Variants in PTBP3 observed in about 807,000 individuals in gnomAD.
PTBP3 encodes polypyrimidine tract binding protein 3.
Under a neutral mutation model 58.7 loss-of-function variants are expected in PTBP3, and 20 were observed. That is an observed-to-expected ratio of 0.34 (90% CI 0.24 to 0.50). PTBP3 has a LOEUF of 0.50. Ranked by LOEUF, PTBP3 falls within the 20% of genes least tolerant of loss-of-function variation. The probability of loss-of-function intolerance (pLI) is 0.98; values close to 1 mark genes in which losing one functional copy is unlikely to be tolerated. For missense variants in PTBP3, 509 were observed against 637.2 expected, an observed-to-expected ratio of 0.80 and a Z score of 2.17; for synonymous variants, 185 against 219.8, an observed-to-expected ratio of 0.84 and a Z score of 1.40.
chr9:112,231,712 G>A (rs1049628009), intron 9 of PTBP3, among the ~76,000 whole-genome samples: 13 of 150,588 alleles, frequency 8.6e-5, no homozygotes, highest in African/African-American at 3.2e-4. Flanking sequence ...GACCAGCCTG[G>A]GCAACATAGC....
At chr9:112,251,627 T>C (rs1014501172) in intron 6 of PTBP3, among the ~76,000 whole-genome samples, 2 of 152,146 alleles carry the variant, frequency 1.3e-5, no homozygotes, top group African/African-American at 2.4e-5. Context: ...TTTGTAATAC[T>C]TTGAATAATA....
intron 2 of PTBP3, among the ~76,000 whole-genome samples, chr9:112,286,604 G>A (rs1383744102): frequency 3.3e-5 from 5 of 151,886 alleles, no homozygotes. Flanking sequence ...TTGTGGTACT[G>A]TTGTATATTT....
chr9:112,359,401 G>A, the PTBP3 span, among the ~76,000 whole-genome samples: 6 of 152,050 alleles, frequency 3.9e-5, no homozygotes, highest in South Asian at 2.1e-4. Context: ...AGCTGAGATC[G>A]CGCCACTGCA....
At chr9:112,318,925 C>G (rs1206084466) in intron 1 of PTBP3, among the ~76,000 whole-genome samples, 1 of 151,934 alleles carries the variant, frequency 6.6e-6, no homozygotes, top group Non-Finnish European at 1.5e-5. Context: ...GTCGGGAGTT[C>G]AAGACCAGCC....
At chr9:112,300,121 A>C (rs1828854570) in intron 1 of PTBP3, among the ~76,000 whole-genome samples, 1 of 152,220 alleles carries the variant, frequency 6.6e-6, no homozygotes, top group African/African-American at 2.4e-5. Context: ...GGGTGACAAA[A>C]ACTCTTATAT....
chr9:112,351,528 T>C, the PTBP3 span, among the ~76,000 whole-genome samples: 5 of 152,178 alleles, frequency 3.3e-5, no homozygotes, highest in African/African-American at 1.2e-4. Flanking sequence ...TGGAAAGAAG[T>C]CATTATGCAC....
At position 112,220,345 on chromosome 9, in the gene PTBP3, T is replaced by C. The variant is rs747394720; in HGVS notation, c.*3506A>G. ...CTGTGGGGAGGTGGAAGCAGGAGAA[T>C]CACTTGAGCCCAGGAGTTGGCGAGA... On this transcript the variant is annotated 3_prime_UTR_variant, in exon 14 of 14. Coordinates refer to ENST00000374257, the MANE Select transcript of PTBP3 (RefSeq NM_001163788.4). The C allele has an allele frequency of 3.9e-5, 50 of 1,286,772 alleles. No individual in the cohort carries two copies. The highest frequency in any genetic ancestry group is 4.9e-5 in the Non-Finnish European group (48 of 986,354). The allele number at this position is 1,286,772 out of a possible 1,614,324, so 79.7% of individuals were successfully genotyped here. A position where few individuals can be genotyped will look rare whatever the true frequency, so the allele number is the denominator to read the frequency against.
the PTBP3 span, among the ~76,000 whole-genome samples, chr9:112,364,331 G>C: frequency 2.6e-3 from 398 of 151,986 alleles, 2 homozygotes; most frequent in African/African-American, 9.1e-3. Context: ...AAGCAAAAGA[G>C]CATACTAACC....
chr9:112,292,286 A>T (rs1466664875), intron 2 of PTBP3, among the ~76,000 whole-genome samples: 1 of 152,222 alleles, frequency 6.6e-6, no homozygotes, highest in African/African-American at 2.4e-5. Flanking sequence ...AAAAATAAGT[A>T]TTCACAAGGA....
intron 1 of PTBP3, chr9:112,298,431 T>A: frequency 3.0e-6 from 1 of 330,618 alleles, no homozygotes; most frequent in Non-Finnish European, 5.9e-6. Context: ...ATTGTTTAAG[T>A]AATTTACTCT....
In PTBP3 at chr9:112,244,105, T is replaced by C. The variant is rs112762874; in HGVS notation, c.802+6824A>G. On this transcript the variant is annotated intron_variant, in intron 7 of 13. Transcript: ENST00000374257. ...TCACGAGGTCAGGAGATCAAGACCATCCTAGCTAAGACGATGAAACCCCAT... is the reference window on the plus strand; with the variant it reads ...TCACGAGGTCAGGAGATCAAGACCACCCTAGCTAAGACGATGAAACCCCAT... Among the ~76,000 whole-genome samples the C allele has an allele frequency of 5.6e-3, 850 of 150,944 alleles. 13 individuals are homozygous for C. The highest frequency in any genetic ancestry group is 0.019 in the African/African-American group (796 of 41,126).
chr9:112,231,919 GA>G (rs1835218505), intron 9 of PTBP3, among the ~76,000 whole-genome samples, 179 bp downstream of exon 9: 1 of 44,916 alleles, frequency 2.2e-5, no homozygotes, highest in Non-Finnish European at 4.7e-5. Flanking sequence ...GAAAAGAAGA[GA>G]AGAGAAGAGA....
At chr9:112,329,576 A>C (rs2132485176) in intron 1 of PTBP3, among the ~76,000 whole-genome samples, 1 of 152,362 alleles carries the variant, frequency 6.6e-6, no homozygotes, top group South Asian at 2.1e-4. Context: ...AAAAAAAGTC[A>C]GGCTTTGGTA....
the PTBP3 span, among the ~76,000 whole-genome samples, chr9:112,359,735 G>A: frequency 4.5e-4 from 69 of 152,236 alleles, no homozygotes; most frequent in African/African-American, 1.3e-3. Context: ...CCCGGGAGGC[G>A]GAGGTTGCCG....
chr9:112,220,234 A>T lies in PTBP3; in HGVS notation c.*3617T>A. On this transcript the variant is annotated 3_prime_UTR_variant, in exon 14 of 14. Transcript: ENST00000374257. The stretch of plus-strand genomic sequence containing the variant: ...GAGAAACTGCATGACAATATGCTAA[A>T]CATGTAAGCACTGCTGACTGATGGC... 2 of 1,347,238 alleles carry T rather than the reference A, an allele frequency of 1.5e-6. No individual in the cohort carries two copies. Among genetic ancestry groups the T allele is most frequent in the Non-Finnish European group, 2.0e-6 (2 of 1,019,782 alleles). The allele number at this position is 1,347,238 out of a possible 1,614,324, so 83.5% of individuals were successfully genotyped here.
At chr9:112,321,462 G>A (rs1325562310) in intron 1 of PTBP3, among the ~76,000 whole-genome samples, 1 of 150,512 alleles carries the variant, frequency 6.6e-6, no homozygotes, top group African/African-American at 2.5e-5. Context: ...CTGGGAGGCG[G>A]AGGTTGCAGT....
intron 1 of PTBP3, among the ~76,000 whole-genome samples, chr9:112,329,470 C>G (rs542105845): frequency 6.6e-6 from 1 of 152,034 alleles, no homozygotes; most frequent in African/African-American, 2.4e-5. Flanking sequence ...TGATTTATAA[C>G]CTAGAAGAAT....
chr9:112,231,177 T>C (rs1483791482), intron 10 of PTBP3, among the ~76,000 whole-genome samples: 4 of 150,328 alleles, frequency 2.7e-5, no homozygotes, highest in Non-Finnish European at 2.9e-5. Context: ...TAGGTCTCCC[T>C]GCGTTACACT....
chr9:112,372,911 T>C, the PTBP3 span, among the ~76,000 whole-genome samples: 4 of 151,904 alleles, frequency 2.6e-5, no homozygotes, highest in Admixed American at 2.6e-4. Flanking sequence ...TTTTTTTTTT[T>C]TTTTGAGATG....
Sources: allele counts gnomAD v4.1 joint callset (sites outside exome capture counted in the v4.1 genomes callset), GRCh38; gene constraint gnomAD v4.1.1; transcripts MANE v1.5; gene names NCBI Gene and HGNC (gene_info 2026-07-23, HGNC 2026-07-21).